The following SVOPL variants were observed in gnomAD, a reference collection of about 807,000 sequenced individuals.
The protein encoded by SVOPL is SVOP like, also known as putative transporter SVOPL.
In SVOPL, 60 loss-of-function variants were observed where a neutral mutation model predicts 61.0. The ratio of observed to expected loss-of-function variants is 0.98; its 90% CI spans 0.80 to 1.22. SVOPL has a LOEUF of 1.22. Ranked by LOEUF, SVOPL falls within the 50% of genes most tolerant of loss-of-function variation. The pLI, the probability that SVOPL is intolerant of heterozygous loss-of-function variation, is 0.00. For synonymous variants in SVOPL, 279 were observed against 250.0 expected, an observed-to-expected ratio of 1.12 and a Z score of -1.09; for missense variants, 662 against 643.9, an observed-to-expected ratio of 1.03 and a Z score of -0.30.
chr7:138,661,675 T>C, intron 5 of SVOPL: 1 of 918,172 alleles, frequency 1.1e-6, no homozygotes, highest in African/African-American at 1.8e-5. Flanking sequence ...TAGCATACCT[T>C]ATTTTAACGA....
chr7:138,699,292 G>A (rs998936121), intron 1 of SVOPL, among the ~76,000 whole-genome samples: 7 of 152,030 alleles, frequency 4.6e-5, no homozygotes, highest in South Asian at 4.1e-4. Context: ...CGACAACAGC[G>A]AAACTCCATC....
At position 138,644,725 on chromosome 7, in the gene SVOPL, G is replaced by T. The variant is rs1057288113; in HGVS notation, c.781C>A (p.Pro261Thr). 1.4e-5 allele frequency: 23 copies of T among 1,613,960 alleles called. No homozygotes were observed. Among genetic ancestry groups the T allele is most frequent in the Non-Finnish European group, 1.8e-5 (21 of 1,180,014 alleles). Residue 261 changes from proline to threonine, a missense_variant, in exon 9 of 16, where the codon CCC (proline) becomes ACC (threonine). Transcript: ENST00000674285. ...SVMPEGKLVE[P>T]VLEKRGRFAD... ...CGGGGGCCAGCACTCACCAGGACGG[G>T]CTCCACCAGCTTCCCCTCCGGCATG...
intron 9 of SVOPL, among the ~76,000 whole-genome samples, chr7:138,637,777 C>T (rs953796008): frequency 1.4e-4 from 21 of 151,878 alleles, no homozygotes; most frequent in South Asian, 2.1e-4. Context: ...CATGGTGAAA[C>T]GCCATCTCTA....
intron 14 of SVOPL, among the ~76,000 whole-genome samples, chr7:138,609,246 A>G (rs1375546144): frequency 6.6e-6 from 1 of 152,196 alleles, no homozygotes; most frequent in East Asian, 1.9e-4. Flanking sequence ...AAGCTCGCCC[A>G]AGAGGACTTG....
chr7:138,671,983 G>T, intron 4 of SVOPL, 36 bp downstream of exon 4: 1 of 1,541,098 alleles, frequency 6.5e-7, no homozygotes, highest in South Asian at 1.2e-5. Context: ...TACGCCCTCA[G>T]TTGCTGTGTT....
chr7:138,622,110 C>CTATCTATG (rs1799646258), intron 13 of SVOPL, among the ~76,000 whole-genome samples: 1 of 36,584 alleles, frequency 2.7e-5, no homozygotes, highest in African/African-American at 7.3e-5. Flanking sequence ...ATCTATCTAT[C>CTATCTATG]TATCTATCTA....
intron 1 of SVOPL, among the ~76,000 whole-genome samples, chr7:138,687,526 T>A (rs571656139): frequency 6.6e-6 from 1 of 151,804 alleles, no homozygotes; most frequent in Non-Finnish European, 1.5e-5. Flanking sequence ...CATGAGCCAC[T>A]GCACTTGCCC....
chr7:138,636,006 C>G (rs1296900184), intron 9 of SVOPL, among the ~76,000 whole-genome samples: 4 of 152,178 alleles, frequency 2.6e-5, no homozygotes, highest in Non-Finnish European at 4.4e-5. Flanking sequence ...GCAACCTCCT[C>G]CTCCCAGATG....
chr7:138,601,366 A>C (rs567783732), intron 14 of SVOPL, among the ~76,000 whole-genome samples: 1 of 152,300 alleles, frequency 6.6e-6, no homozygotes, highest in African/African-American at 2.4e-5. Context: ...AAACAAGTCA[A>C]GTGTCCACCA....
At chr7:138,611,870 C>T (rs1259048462) in intron 14 of SVOPL, among the ~76,000 whole-genome samples, 91 of 75,706 alleles carry the variant, frequency 1.2e-3, no homozygotes, top group South Asian at 2.3e-3. Context: ...AGCCTCTGCC[C>T]GGCCGCCACC....
intron 14 of SVOPL, among the ~76,000 whole-genome samples, chr7:138,608,462 T>C (rs1337724326): frequency 6.6e-6 from 1 of 152,160 alleles, no homozygotes; most frequent in Admixed American, 6.5e-5. Context: ...AAAATGGATT[T>C]TCAATACGTC....
At chr7:138,646,414 T>C in intron 8 of SVOPL, 1 of 185,408 alleles carries the variant, frequency 5.4e-6, no homozygotes, top group South Asian at 1.2e-4. Context: ...CTAAGAGGTC[T>C]GGTGACCTCT....
At chr7:138,626,742 A>G (rs570961255) in intron 12 of SVOPL, among the ~76,000 whole-genome samples, 1 of 152,036 alleles carries the variant, frequency 6.6e-6, no homozygotes, top group Admixed American at 6.6e-5. Context: ...GCTATTCAAG[A>G]GGCTGAGGCA....
chr7:138,634,542 G>A (rs565329502), intron 9 of SVOPL, among the ~76,000 whole-genome samples: 1 of 152,174 alleles, frequency 6.6e-6, no homozygotes, highest in Non-Finnish European at 1.5e-5. Flanking sequence ...CAGCTATTCA[G>A]GAGGCAGAGG....
At chr7:138,622,636 T>C (rs1041626044) in intron 13 of SVOPL, among the ~76,000 whole-genome samples, 33 of 151,668 alleles carry the variant, frequency 2.2e-4, no homozygotes, top group African/African-American at 7.8e-4. Context: ...ATTTTTATTT[T>C]TATTTTACAG....
At chr7:138,697,611 C>CAA (rs397890852) in intron 1 of SVOPL, among the ~76,000 whole-genome samples, 7 of 70,496 alleles carry the variant, frequency 9.9e-5, no homozygotes, top group South Asian at 5.3e-4. Flanking sequence ...GACCCTGCCT[C>CAA]AAAAAAAAAA....
At chr7:138,623,525 G>T (rs554395352) in intron 13 of SVOPL, among the ~76,000 whole-genome samples, 1 of 152,112 alleles carries the variant, frequency 6.6e-6, no homozygotes, top group African/African-American at 2.4e-5. Context: ...GCGTGAACCC[G>T]GGAGGTGGAG....
intron 14 of SVOPL, among the ~76,000 whole-genome samples, chr7:138,614,037 A>T (rs1799173642): frequency 6.6e-6 from 1 of 152,240 alleles, no homozygotes; most frequent in Non-Finnish European, 1.5e-5. Context: ...GGCACAGAGG[A>T]CAAGTTCAAT....
At chr7:138,648,900 C>A in intron 8 of SVOPL, 112 bp downstream of exon 8, 4 of 1,505,038 alleles carry the variant, frequency 2.7e-6, no homozygotes, top group Non-Finnish European at 3.6e-6. Context: ...GCAGCCTGGA[C>A]AACAAAGAGA....
Sources: allele counts gnomAD v4.1 joint callset (sites outside exome capture counted in the v4.1 genomes callset), GRCh38; gene constraint gnomAD v4.1.1; transcripts MANE v1.5; gene names NCBI Gene and HGNC (gene_info 2026-07-23, HGNC 2026-07-21).